SAMD12: variants seen among roughly 807,000 people sequenced by gnomAD.
The protein encoded by SAMD12 is sterile alpha motif domain-containing protein 12.
A neutral mutation model predicts 15.0 loss-of-function variants in SAMD12; 9 were observed. The ratio of observed to expected loss-of-function variants is 0.60; its 90% confidence interval spans 0.36 to 1.05. SAMD12 has a LOEUF of 1.05. SAMD12 is among the 50% of genes least tolerant of loss of function. The pLI is 0.01. For synonymous variants in SAMD12, 86 were observed against 90.1 expected (o/e 0.96, Z 0.25); for missense variants, 230 against 234.2 (o/e 0.98, Z 0.12).
intron 2 of SAMD12, among the ~76,000 whole-genome samples, chr8:118,567,518 ACAC>A (rs1826884578): frequency 6.6e-6 from 1 of 152,184 alleles, no homozygotes; most frequent in Non-Finnish European, 1.5e-5. Flanking sequence ...GCTACACAAT[ACAC>A]AAGTTAGACA....
intron 4 of SAMD12, among the ~76,000 whole-genome samples, chr8:118,283,886 C>T (rs547217658): frequency 2.6e-4 from 39 of 152,226 alleles, no homozygotes; most frequent in African/African-American, 8.2e-4. Flanking sequence ...AGAAACTTCA[C>T]GTATTACAGC....
chr8:118,205,110 T>C (rs1296692134), intron 4 of SAMD12, among the ~76,000 whole-genome samples: 2 of 152,316 alleles, frequency 1.3e-5, no homozygotes, highest in East Asian at 1.9e-4. Flanking sequence ...GAGAATAGGC[T>C]GGGTAAGGGA....
chr8:118,522,788 C>CA (rs934786380), intron 2 of SAMD12, among the ~76,000 whole-genome samples: 61 of 151,308 alleles, frequency 4.0e-4, no homozygotes, highest in East Asian at 3.1e-3. Context: ...ATTATGAAAA[C>CA]AAAAAAAACA....
rs1491140412 is a variant in SAMD12, at chr8:118,256,820, ACG to A, written c.434-59090_434-59089del. On this transcript the variant is annotated intron_variant, in intron 4 of 4. Transcript: ENST00000409003. ...CACACACACACACACACACACACAC[ACG>A]CACACATTCTTTTTAGCTACGGAAT... 1.5e-3 allele frequency among the ~76,000 whole-genome samples: 229 copies of A among 148,274 alleles called. 1 individual carries two copies. Among genetic ancestry groups the A allele is most frequent in the African/African-American group, 5.2e-3 (212 of 40,392 alleles).
the SAMD12 span, among the ~76,000 whole-genome samples, chr8:118,164,977 G>A: frequency 2.1e-5 from 2 of 95,060 alleles, no homozygotes; most frequent in East Asian, 7.6e-4. Flanking sequence ...GACACTAGAT[G>A]TGTGTGTGTG....
chr8:118,218,374 T>C (rs921521954), intron 4 of SAMD12, among the ~76,000 whole-genome samples: 1 of 152,222 alleles, frequency 6.6e-6, no homozygotes, highest in Non-Finnish European at 1.5e-5. Context: ...CTTACACATT[T>C]GCTTTTTGTG....
At chr8:118,245,505 C>T (rs1363743487) in intron 4 of SAMD12, among the ~76,000 whole-genome samples, 3 of 152,022 alleles carry the variant, frequency 2.0e-5, no homozygotes, top group Non-Finnish European at 4.4e-5. Context: ...ATTATTATTC[C>T]CGTTTATACA....
At chr8:118,239,540 G>T (rs1812520646) in intron 4 of SAMD12, among the ~76,000 whole-genome samples, 1 of 152,104 alleles carries the variant, frequency 6.6e-6, no homozygotes, top group South Asian at 2.1e-4. Flanking sequence ...ATGGGCACCA[G>T]TTTCCTCCCA....
chr8:118,538,326 T>C (rs779782132), intron 2 of SAMD12, among the ~76,000 whole-genome samples: 12 of 152,202 alleles, frequency 7.9e-5, no homozygotes, highest in Non-Finnish European at 1.3e-4. Flanking sequence ...GCCCTAGGAC[T>C]TGCCCAAGAA....
chr8:118,438,499 G>T (rs1370279638), intron 3 of SAMD12, among the ~76,000 whole-genome samples: 1 of 151,872 alleles, frequency 6.6e-6, no homozygotes, highest in Non-Finnish European at 1.5e-5. Context: ...CATGAAGGGA[G>T]TGGTTTTGGT....
chr8:118,319,511 A>G (rs7828529), intron 4 of SAMD12, among the ~76,000 whole-genome samples: 10,338 of 152,278 alleles, frequency 0.068, 674 homozygotes, highest in African/African-American at 0.14. Context: ...TGAGCTATCA[A>G]ATTCCTAGCA....
At position 118,394,212 on chromosome 8, in the gene SAMD12, T is replaced by C. The variant is rs116816070; in HGVS notation, c.323-14512A>G. On this transcript the variant is annotated intron_variant, in intron 3 of 3. Transcript: ENST00000314727. ...AGCAGGTTACATACTAAAAGCTATG[T>C]TGGAATGAGATAAGGAACATGAACA... Among the ~76,000 whole-genome samples the C allele has an allele frequency of 8.2e-3, 1,245 of 152,320 alleles. 18 individuals carry two copies. The highest frequency in any genetic ancestry group is 0.028 in the African/African-American group (1,177 of 41,572).
intron 2 of SAMD12, among the ~76,000 whole-genome samples, chr8:118,530,159 CTGTT>C (rs1442029908): frequency 6.6e-6 from 1 of 152,058 alleles, no homozygotes; most frequent in Non-Finnish European, 1.5e-5. Context: ...TGTTTGTTGG[CTGTT>C]TGTCTTCTTT....
chr8:118,302,338 G>A (rs2130339195), intron 4 of SAMD12, among the ~76,000 whole-genome samples: 1 of 152,192 alleles, frequency 6.6e-6, no homozygotes, highest in African/African-American at 2.4e-5. Context: ...CATTTATAAT[G>A]TGTTTATTGA....
intron 4 of SAMD12, among the ~76,000 whole-genome samples, chr8:118,199,894 A>C (rs1819665060): frequency 6.6e-6 from 1 of 152,162 alleles, no homozygotes; most frequent in South Asian, 2.1e-4. Context: ...TATCCAAATG[A>C]TATGGTTTGG....
chr8:118,300,637 C>A (rs1814971290), intron 4 of SAMD12, among the ~76,000 whole-genome samples: 1 of 152,194 alleles, frequency 6.6e-6, no homozygotes, highest in Admixed American at 6.5e-5. Context: ...AATTCATAGG[C>A]TCCAATGAAG....
chr8:118,551,352 A>G (rs1270616673), intron 2 of SAMD12, among the ~76,000 whole-genome samples: 1 of 152,208 alleles, frequency 6.6e-6, no homozygotes, highest in Non-Finnish European at 1.5e-5. Flanking sequence ...CAATCAAACT[A>G]GAACTCAGGA....
At chr8:118,400,180 G>C (rs1259494412) in intron 3 of SAMD12, 1 of 151,996 alleles carries the variant, frequency 6.6e-6, no homozygotes, top group African/African-American at 2.4e-5. Context: ...TTTTACAGAG[G>C]GCTTGTTCTA....
At chr8:118,168,956 C>T in the SAMD12 span, among the ~76,000 whole-genome samples, 1 of 152,224 alleles carries the variant, frequency 6.6e-6, no homozygotes, top group East Asian at 1.9e-4. Context: ...TAAGAGATCA[C>T]CCTTAACACA....
Sources: gnomAD v4.1 joint callset for allele counts (sites outside exome capture counted in the v4.1 genomes callset) on GRCh38, gnomAD v4.1.1 for gene constraint, MANE v1.5 for transcripts, NCBI Gene and HGNC (gene_info 2026-07-23, HGNC 2026-07-21) for gene names.